Variants in ANKS1B observed in about 807,000 individuals in gnomAD.
The protein encoded by ANKS1B is ankyrin repeat and sterile alpha motif domain-containing protein 1B.
A neutral mutation model predicts 148.3 loss-of-function variants in ANKS1B; 36 were observed. The observed-to-expected ratio is 0.24, with a 90% confidence interval of 0.19 to 0.32. The LOEUF (loss-of-function observed/expected upper bound fraction) is 0.32. Ranked by LOEUF, ANKS1B falls within the 10% of genes least tolerant of loss-of-function variation. The pLI is 1.00. For missense variants in ANKS1B, 1,157 were observed against 1,542.6 expected (o/e 0.75, Z 4.19); for synonymous variants, 542 against 560.8 (o/e 0.97, Z 0.47).
At chr12:99,288,797 C>G (rs186518179) in intron 12 of ANKS1B, among the ~76,000 whole-genome samples, 136 of 151,942 alleles carry the variant, frequency 9.0e-4, no homozygotes, top group Admixed American at 2.0e-3. Context: ...TAAGATATAC[C>G]TCCTGAGAAA....
intron 22 of ANKS1B, among the ~76,000 whole-genome samples, chr12:98,786,430 T>C (rs2098795255): frequency 6.6e-6 from 1 of 152,232 alleles, no homozygotes; most frequent in Admixed American, 6.5e-5. Flanking sequence ...AGAGCATTTT[T>C]AAAAAGAAGA....
intron 17 of ANKS1B, among the ~76,000 whole-genome samples, chr12:98,835,199 G>C (rs933018819): frequency 6.6e-6 from 1 of 151,820 alleles, no homozygotes; most frequent in African/African-American, 2.4e-5. Context: ...ATTGCTTTTG[G>C]TTTACTCTCC....
chr12:98,802,727 T>TGTAGTTAGTGTGTGACTAGTGGAAC lies in ANKS1B; in HGVS notation c.3142-1603_3142-1602insGTTCCACTAGTCACACACTAACTAC, dbSNP rs544710659. Among the ~76,000 whole-genome samples the TGTAGTTAGTGTGTGACTAGTGGAAC allele has an allele frequency of 1.7e-4, 25 of 150,820 alleles. No homozygotes were observed. The South Asian group carries it at 4.4e-3, about 27-fold the overall frequency. On this transcript the variant is annotated intron_variant, in intron 20 of 26. Coordinates refer to ENST00000683438, the MANE Select transcript of ANKS1B (RefSeq NM_001352186.2). ...TCACGCTATTTCCTTGGCTTCTCAC[T>TGTAGTTAGTGTGTGACTAGTGGAAC]GTAGTTAGTGTGTGACTAGTTGGAA...
At chr12:99,070,339 C>T (rs80140706) in intron 16 of ANKS1B, among the ~76,000 whole-genome samples, 118 of 152,266 alleles carry the variant, frequency 7.7e-4, no homozygotes, top group African/African-American at 2.6e-3. Context: ...AGAAATACCA[C>T]GTAATGAAAC....
At position 99,206,592 on chromosome 12, in the gene ANKS1B, TTCCACCCC is replaced by T. The variant is rs1601675357; in HGVS notation, c.2419+37742_2419+37749del. The stretch of plus-strand genomic sequence containing the variant: ...TACTATCCTTTTCATTTAGTTACTC[TTCCACCCC>T]GAAGGTAAAAAGAAAGCTAAAGTGT... On this transcript the variant is annotated intron_variant, in intron 14 of 26. Coordinates refer to ENST00000683438, the MANE Select transcript of ANKS1B (RefSeq NM_001352186.2). Among the ~76,000 whole-genome samples the T allele has an allele frequency of 2.0e-5, 3 of 152,324 alleles. No individual in the cohort carries two copies. In the East Asian group the frequency reaches 5.8e-4, roughly 29 times the overall value.
intron 24 of ANKS1B, among the ~76,000 whole-genome samples, chr12:98,779,582 G>A (rs2098714148): frequency 6.6e-6 from 1 of 151,984 alleles, no homozygotes; most frequent in Non-Finnish European, 1.5e-5. Context: ...GATAGAGGGA[G>A]TTGTTTCAAT....
At chr12:99,291,561 C>T (rs757627209) in intron 12 of ANKS1B, among the ~76,000 whole-genome samples, 30 of 152,038 alleles carry the variant, frequency 2.0e-4, no homozygotes, top group Non-Finnish European at 2.2e-4. Flanking sequence ...ACCAATGGAA[C>T]AGAACAGAGA....
chr12:99,877,477 A>C (rs1485107104), intron 1 of ANKS1B, among the ~76,000 whole-genome samples: 1 of 152,216 alleles, frequency 6.6e-6, no homozygotes, highest in East Asian at 1.9e-4. Context: ...GAAGCCTCCA[A>C]ATCTAGGAAA....
At chr12:99,760,991 C>A (rs1204578958) in intron 8 of ANKS1B, among the ~76,000 whole-genome samples, 5 of 140,090 alleles carry the variant, frequency 3.6e-5, no homozygotes, top group African/African-American at 1.1e-4. Context: ...AGGGTTAAAT[C>A]AGGAAGACAT....
chr12:99,283,959 A>C lies in ANKS1B; in HGVS notation c.1757-37095T>G, dbSNP rs2078794624. On this transcript the variant is annotated intron_variant, in intron 12 of 26. Transcript: ENST00000683438. Reference sequence around the variant, plus strand: ...AAAAACTAAATGAATGGATGAATTAATATCTGAATGGCTTTTTTTTGCTTT... The same window carrying C: ...AAAAACTAAATGAATGGATGAATTACTATCTGAATGGCTTTTTTTTGCTTT... Among the ~76,000 whole-genome samples, 5 of 152,318 alleles carry C rather than the reference A, an allele frequency of 3.3e-5. 1 individual carries two copies. The South Asian group carries it at 1.0e-3, about 32-fold the overall frequency.
intron 8 of ANKS1B, among the ~76,000 whole-genome samples, chr12:99,760,573 G>A (rs1280425064): frequency 6.6e-6 from 1 of 151,610 alleles, no homozygotes; most frequent in East Asian, 1.9e-4. Flanking sequence ...AGTCTATAGT[G>A]CTAAATGCCT....
chr12:99,540,110 C>T (rs965221604), intron 9 of ANKS1B, among the ~76,000 whole-genome samples: 1 of 151,682 alleles, frequency 6.6e-6, no homozygotes, highest in African/African-American at 2.4e-5. Flanking sequence ...GTCAGGAAGA[C>T]ACAACAAGCA....
chr12:99,042,592 G>A (rs566389629), intron 17 of ANKS1B, among the ~76,000 whole-genome samples: 1 of 152,312 alleles, frequency 6.6e-6, no homozygotes, highest in Admixed American at 6.5e-5. Context: ...TTGAGGCAAT[G>A]GATAACTGAT....
At chr12:99,743,378 A>G (rs2060299126) in intron 8 of ANKS1B, among the ~76,000 whole-genome samples, 2 of 152,206 alleles carry the variant, frequency 1.3e-5, no homozygotes, top group Non-Finnish European at 2.9e-5. Context: ...AATGATTTTT[A>G]AGTATAACTT....
chr12:99,670,163 C>T lies in ANKS1B; in HGVS notation c.1129-14953G>A, dbSNP rs73143656. Among the ~76,000 whole-genome samples the T allele has an allele frequency of 8.1e-3, 1,238 of 152,276 alleles. 16 individuals are homozygous for T. The highest frequency in any genetic ancestry group is 0.013 in the Non-Finnish European group (914 of 68,014). ...CTCCATTTTAGACCTTTCTTCACTTCTTACCGGCTAAATAATCCCATTTCC... is the reference window on the plus strand; with the variant it reads ...CTCCATTTTAGACCTTTCTTCACTTTTTACCGGCTAAATAATCCCATTTCC... On this transcript the variant is annotated intron_variant, in intron 8 of 26. Transcript: ENST00000683438.
chr12:99,563,419 A>G (rs186982551), intron 9 of ANKS1B, among the ~76,000 whole-genome samples: 125 of 152,240 alleles, frequency 8.2e-4, no homozygotes, highest in African/African-American at 2.9e-3. Flanking sequence ...TAATTGGCTT[A>G]ATTTCTATAT....
chr12:99,577,292 C>CAAATAAATAAATAAAT (rs71303566), intron 9 of ANKS1B, among the ~76,000 whole-genome samples: 1 of 144,654 alleles, frequency 6.9e-6, no homozygotes. Flanking sequence ...CTGTTCACAT[C>CAAATAAATAAATAAAT]AAATAAATAA....
intron 8 of ANKS1B, among the ~76,000 whole-genome samples, chr12:99,695,082 A>G (rs1388577967): frequency 4.0e-5 from 6 of 151,266 alleles, no homozygotes; most frequent in African/African-American, 7.3e-5. Context: ...AGTGGGGGGG[A>G]AATAGTGCTT....
At chr12:99,475,000 G>C in intron 10 of ANKS1B, among the ~76,000 whole-genome samples, 1 of 152,070 alleles carries the variant, frequency 6.6e-6, no homozygotes, top group East Asian at 1.9e-4. Flanking sequence ...ACACTGGTAG[G>C]CCGAGGTGGG....
Sources: gnomAD v4.1 joint callset for allele counts (sites outside exome capture counted in the v4.1 genomes callset) on GRCh38, gnomAD v4.1.1 for gene constraint, MANE v1.5 for transcripts, NCBI Gene and HGNC (gene_info 2026-07-23, HGNC 2026-07-21) for gene names.